Variants in KMT2C observed in about 807,000 individuals in gnomAD.
KMT2C encodes histone-lysine N-methyltransferase 2C.
Under a neutral mutation model 507.9 loss-of-function variants are expected in KMT2C, and 88 were observed. The observed-to-expected ratio is 0.17, with a 90% CI of 0.15 to 0.21. The LOEUF is 0.21. KMT2C is among the 10% of genes least tolerant of loss of function. The pLI is 1.00. For synonymous variants in KMT2C, 2,049 were observed against 2,080.8 expected, an observed-to-expected ratio of 0.98 and a Z score of 0.42; for missense variants, 4,954 against 5,957.8, an observed-to-expected ratio of 0.83 and a Z score of 5.55.
intron 40 of KMT2C, among the ~76,000 whole-genome samples, chr7:152,170,791 G>A (rs919299387): frequency 6.6e-6 from 1 of 152,058 alleles, no homozygotes; most frequent in African/African-American, 2.4e-5. Context: ...GTGAGCCACC[G>A]TGCCCAGCCA....
At chr7:152,291,210 G>A (rs955071476) in intron 6 of KMT2C, among the ~76,000 whole-genome samples, 7 of 152,198 alleles carry the variant, frequency 4.6e-5, no homozygotes, top group East Asian at 1.9e-4. Flanking sequence ...ATTCCGCAGC[G>A]CAAAAAACTG....
At chr7:152,153,089 C>G in intron 48 of KMT2C, 135 bp from the exon 49 acceptor site, 1 of 1,155,022 alleles carries the variant, frequency 8.7e-7, no homozygotes, top group East Asian at 2.5e-5. Context: ...TTTATTTAGA[C>G]TTAAAGAACC....
chr7:152,155,541 AAAC>A (rs1325907848), intron 46 of KMT2C, among the ~76,000 whole-genome samples: 1 of 152,190 alleles, frequency 6.6e-6, no homozygotes, highest in African/African-American at 2.4e-5. Context: ...AGACATCTAC[AAAC>A]AACAATAAAC....
chr7:152,251,520 A>G (rs2095561712), intron 11 of KMT2C, among the ~76,000 whole-genome samples: 3 of 152,192 alleles, frequency 2.0e-5, no homozygotes, highest in African/African-American at 7.2e-5. Flanking sequence ...GTAGGATACT[A>G]CTAAAAATAT....
At position 152,173,889 on chromosome 7, in the gene KMT2C, T is replaced by C. The variant is rs2093074391; in HGVS notation, c.9374+242A>G. On this transcript the variant is annotated intron_variant, in intron 39 of 58. Transcript: ENST00000262189. The stretch of plus-strand genomic sequence containing the variant: ...CAGGAAATCCAATCTTCCAAATCTT[T>C]TTAAGATGTTTTACATTTACCATCC... 3.3e-5 allele frequency among the ~76,000 whole-genome samples: 5 copies of C among 152,234 alleles called. No individual in the cohort carries two copies. The South Asian group carries it at 1.0e-3, about 31-fold the overall frequency.
rs569709438 is a variant in KMT2C at position 152,415,492 on chromosome 7, G to A, written c.161+20134C>T. Among the ~76,000 whole-genome samples, 1,172 of 152,170 alleles carry A rather than the reference G, an allele frequency of 7.7e-3. 7 individuals are homozygous for A. The highest frequency in any genetic ancestry group is 0.012 in the Non-Finnish European group (830 of 68,022). ...TTAGAGCAAATATGTCATACAACAA[G>A]CTTAAATTAATGATACGAAACAGTT... is the stretch of plus-strand genomic sequence containing the variant. On this transcript the variant is annotated intron_variant, in intron 1 of 58. Transcript: ENST00000262189.
intron 14 of KMT2C, among the ~76,000 whole-genome samples, chr7:152,245,960 C>A (rs1356806120): frequency 1.3e-5 from 2 of 151,992 alleles, no homozygotes; most frequent in Admixed American, 6.6e-5. Context: ...CAATCCCCAA[C>A]GTGAAGAATA....
chr7:152,255,108 C>T (rs868262414), intron 9 of KMT2C, among the ~76,000 whole-genome samples: 114 of 60,650 alleles, frequency 1.9e-3, no homozygotes, highest in African/African-American at 5.8e-3. Flanking sequence ...TCAACTCTCA[C>T]TTATATATAT....
At chr7:152,153,193 T>C (rs2091782644) in intron 48 of KMT2C, among the ~76,000 whole-genome samples, 1 of 152,180 alleles carries the variant, frequency 6.6e-6, no homozygotes, top group East Asian at 1.9e-4. Flanking sequence ...ACATTAAATA[T>C]CTAGTAACAC....
chr7:152,299,056 A>G (rs2096541313), intron 6 of KMT2C, among the ~76,000 whole-genome samples: 1 of 152,228 alleles, frequency 6.6e-6, no homozygotes, highest in African/African-American at 2.4e-5. Flanking sequence ...ACGGTGGCTC[A>G]CGCCTGTAAT....
rs764475355 is a variant in KMT2C at position 152,205,110 on chromosome 7, A to C, written c.3957T>G (p.Asp1319Glu). 6.2e-7 allele frequency: 1 copy of C among 1,610,242 alleles called. No individual in the cohort carries two copies. The highest frequency in any genetic ancestry group is 8.5e-7 in the Non-Finnish European group (1 of 1,177,690). Residue 1319 changes from aspartate (D) to glutamate (E), a missense_variant, in exon 25 of 59, where the codon GAT becomes GAG. By Grantham distance (45) the Asp-to-Glu change is conservative. This residue lies in a region of KMT2C where 176 missense variants were observed against 262.0 expected (regional missense o/e 0.67). Transcript: ENST00000262189. ...GSISEQLPCR[D>E]DGWSEQLPDT... ...TTTTTTAAGTCAGTACTATACCATC[A>C]TCTCTGCAAGGTAACTGCTCGGAAA...
chr7:152,247,579 T>C (rs1382504143), intron 14 of KMT2C, among the ~76,000 whole-genome samples: 1 of 152,310 alleles, frequency 6.6e-6, no homozygotes, highest in East Asian at 1.9e-4. Flanking sequence ...AAAACTATAC[T>C]GTATTTTAGG....
Position 152,253,543 on chromosome 7 carries a change from A to AT in KMT2C, c.1300-829dup, listed in dbSNP as rs1398401489. On this transcript the variant is annotated intron_variant, in intron 9 of 58. Transcript: ENST00000262189. Reference sequence around the variant, plus strand: ...AAAAAAAAAAAAAAAAAAAAAAAAAATTTAATTAGCCATGGTGGTGCACAC... The same window carrying AT: ...AAAAAAAAAAAAAAAAAAAAAAAAAATTTTAATTAGCCATGGTGGTGCACAC... Among the ~76,000 whole-genome samples the AT allele has an allele frequency of 1.5e-3, 219 of 147,592 alleles. 1 individual carries two copies. Among genetic ancestry groups the AT allele is most frequent in the Middle Eastern group, 7.0e-3 (2 of 284 alleles).
In KMT2C at chr7:152,167,299, T is replaced by C. The variant is rs1415302630; in HGVS notation, c.9597A>G (p.Glu3199=). 6.2e-7 allele frequency: 1 copy of C among 1,613,962 alleles called. No homozygotes were observed. Among genetic ancestry groups the C allele is most frequent in the African/African-American group, 1.3e-5 (1 of 74,946 alleles). Residue 3199 remains glutamate, a synonymous_variant, in exon 42 of 59, where the codon GAA becomes GAG. Coordinates refer to ENST00000262189, the MANE Select transcript of KMT2C (RefSeq NM_170606.3). ...ATTTTCTGTGAGCACCAATTTGTTC[T>C]TCAAGATACTTCTGCTGCATTTGAA... is the stretch of plus-strand genomic sequence containing the variant. ...QLLQMQQKYL[E]EQIGAHRKSK...
intron 6 of KMT2C, among the ~76,000 whole-genome samples, chr7:152,306,850 A>G (rs929628150): frequency 3.3e-5 from 5 of 152,186 alleles, no homozygotes; most frequent in African/African-American, 1.2e-4. Flanking sequence ...TCTTGTGCCT[A>G]TTTGATAATG....
At position 152,384,548 on chromosome 7, in the gene KMT2C, A is replaced by ACACCACCACTACCAC. The variant is rs1564068171; in HGVS notation, c.162-25874_162-25873insGTGGTAGTGGTGGTG. On this transcript the variant is annotated intron_variant, in intron 1 of 58. Coordinates refer to ENST00000262189, the MANE Select transcript of KMT2C (RefSeq NM_170606.3). The stretch of plus-strand genomic sequence containing the variant: ...TGCTATATTATCCCCCATGTGCATA[A>ACACCACCACTACCAC]CACCACCACCACCACCACCACCACC... 1.6e-3 allele frequency among the ~76,000 whole-genome samples: 101 copies of ACACCACCACTACCAC among 62,228 alleles called. 13 individuals carry two copies. Among genetic ancestry groups the ACACCACCACTACCAC allele is most frequent in the African/African-American group, 5.6e-3 (90 of 16,018 alleles). The allele number at this position is 62,228 out of a possible 152,430, so 40.8% of individuals were successfully genotyped here.
chr7:152,212,867 C>G (rs949866929), intron 23 of KMT2C, among the ~76,000 whole-genome samples: 5 of 152,188 alleles, frequency 3.3e-5, no homozygotes, highest in African/African-American at 9.7e-5. Context: ...ATGGCGAAAC[C>G]CTGTCTCTAC....
rs769728520 is a variant in KMT2C at position 152,202,964 on chromosome 7, C to G, written c.4062G>C (p.Lys1354Asn). 2.5e-6 allele frequency: 4 copies of G among 1,606,134 alleles called. No homozygotes were observed. Among genetic ancestry groups the G allele is most frequent in the Non-Finnish European group, 2.6e-6 (3 of 1,174,876 alleles). Residue 1354 changes from lysine to asparagine, a missense_variant, in exon 26 of 59, where the codon AAG becomes AAC. Coordinates refer to ENST00000262189, the MANE Select transcript of KMT2C (RefSeq NM_170606.3). ...IKKRYRKRKNKLEETFPAYLQ... is the reference protein window; with the variant it reads ...IKKRYRKRKNNLEETFPAYLQ... ...AATAGGCAGGGAAAGTTTCTTCAAG[C>G]TTATTTTTCCTTTTTCGGTATCTCT...
rs537617704 is a variant in KMT2C, at chr7:152,224,194, C to A, written c.3159-15G>T. ...ACCAAACACACCTGAAATCCAAATC[C>A]CCCCGAAAAGTCTCAATTTTATTTT... On this transcript the variant is annotated splice_polypyrimidine_tract_variant and intron_variant, in intron 19 of 58. Transcript: ENST00000262189. The A allele has an allele frequency of 1.6e-5, 26 of 1,593,202 alleles. No individual in the cohort carries two copies. In the African/African-American group the frequency reaches 3.1e-4, roughly 19 times the overall value.
Sources: allele counts gnomAD v4.1 joint callset (sites outside exome capture counted in the v4.1 genomes callset), GRCh38; gene constraint gnomAD v4.1.1; regional missense constraint gnomAD v4.1.1; transcripts MANE v1.5; gene names NCBI Gene and HGNC (gene_info 2026-07-23, HGNC 2026-07-21).